Variants in AK5 observed in about 807,000 individuals in gnomAD.
AK5 encodes the protein adenylate kinase 5.
AK5 carries 27 observed loss-of-function variants against 69.5 expected under a neutral mutation model. The ratio of observed to expected loss-of-function variants is 0.39; its 90% CI spans 0.29 to 0.54. AK5 has a LOEUF of 0.54. AK5 is among the 20% of genes least tolerant of loss of function. AK5 has a pLI of 0.71. For missense variants in AK5, 531 were observed against 700.4 expected (o/e 0.76, Z 2.73); for synonymous variants, 260 against 244.4 (o/e 1.06, Z -0.60).
intron 6 of AK5, among the ~76,000 whole-genome samples, chr1:77,383,637 TA>T (rs1185914252): frequency 6.6e-6 from 1 of 152,196 alleles, no homozygotes; most frequent in Non-Finnish European, 1.5e-5. Flanking sequence ...AAAGCCAATA[TA>T]TTTCTTGTTT....
In AK5 at chr1:77,364,537, C is replaced by T. The variant is rs146800537; in HGVS notation, c.891+23969C>T. 1.3e-3 allele frequency among the ~76,000 whole-genome samples: 198 copies of T among 152,280 alleles called. 1 individual carries two copies. The highest frequency in any genetic ancestry group is 4.5e-3 in the African/African-American group (189 of 41,568). On this transcript the variant is annotated intron_variant, in intron 6 of 13. Transcript: ENST00000354567. ...TCTGTATCATCCCCTTCCCCCTACT[C>T]TTCCTGGCCTCTAGCATCCTTTGTT...
In AK5 at chr1:77,286,918, G is replaced by C. The variant is rs369882574; in HGVS notation, c.61-23G>C. 25 of 1,350,106 alleles carry C rather than the reference G, an allele frequency of 1.9e-5. No individual in the cohort carries two copies. The African/African-American group carries it at 3.0e-4, about 16-fold the overall frequency. The allele number at this position is 1,350,106 out of a possible 1,614,324, so 83.6% of individuals were successfully genotyped here. A position where few individuals can be genotyped will look rare whatever the true frequency, so the allele number is the denominator to read the frequency against. ...GGTGGGTTTAAAAGATATTTTATTTGTACATATTTTGTTATATTTCAGAGC... is the reference window on the plus strand; with the variant it reads ...GGTGGGTTTAAAAGATATTTTATTTCTACATATTTTGTTATATTTCAGAGC... On this transcript the variant is annotated intron_variant, in intron 1 of 13. Transcript: ENST00000354567.
At chr1:77,350,139 C>A (rs955765897) in intron 6 of AK5, among the ~76,000 whole-genome samples, 1 of 152,102 alleles carries the variant, frequency 6.6e-6, no homozygotes, top group Non-Finnish European at 1.5e-5. Flanking sequence ...GTGACGCAGG[C>A]ACAGAGATGA....
rs2246124 is a variant in AK5 at position 77,429,529 on chromosome 1, C to G, written c.1059+11814C>G. 7.4e-4 allele frequency among the ~76,000 whole-genome samples: 113 copies of G among 152,154 alleles called. 1 individual carries two copies. The highest frequency in any genetic ancestry group is 4.6e-3 in the Admixed American group (71 of 15,298). The stretch of plus-strand genomic sequence containing the variant: ...TTGGTGGGCAAAAGATGGCACAGTT[C>G]CTGCTATCATAGAGCTTATAGTAGA... On this transcript the variant is annotated intron_variant, in intron 8 of 13. Transcript: ENST00000354567.
intron 10 of AK5, among the ~76,000 whole-genome samples, chr1:77,507,240 T>C (rs1387080831): frequency 1.3e-5 from 2 of 152,182 alleles, no homozygotes; most frequent in Non-Finnish European, 2.9e-5. Context: ...GTGCAGTGCA[T>C]TTCCCAAAGG....
At chr1:77,282,822 G>C in intron 1 of AK5, 11 of 990,604 alleles carry the variant, frequency 1.1e-5, no homozygotes, top group Non-Finnish European at 1.3e-5. Flanking sequence ...GGGGGAAAGA[G>C]GAAATGTGGA....
intron 2 of AK5, among the ~76,000 whole-genome samples, chr1:77,289,952 TA>T (rs1442229496): frequency 6.6e-6 from 1 of 150,872 alleles, no homozygotes; most frequent in Non-Finnish European, 1.5e-5. Context: ...CTATATTGGG[TA>T]CACAAATTGT....
At chr1:77,470,366 A>G (rs747221845) in intron 8 of AK5, among the ~76,000 whole-genome samples, 7 of 152,104 alleles carry the variant, frequency 4.6e-5, no homozygotes, top group Non-Finnish European at 1.0e-4. Context: ...TTAGCCAGGC[A>G]TGGTGGTGTG....
intron 10 of AK5, among the ~76,000 whole-genome samples, chr1:77,489,527 A>C (rs1655841206): frequency 6.6e-6 from 1 of 152,360 alleles, no homozygotes; most frequent in Non-Finnish European, 1.5e-5. Context: ...AAAATATTCC[A>C]GATGTCATAG....
intron 8 of AK5, among the ~76,000 whole-genome samples, chr1:77,424,302 C>T (rs918839727): frequency 1.3e-5 from 2 of 152,076 alleles, no homozygotes; most frequent in Non-Finnish European, 1.5e-5. Flanking sequence ...GCTGTGTTGC[C>T]CAGGTTGAAG....
chr1:77,491,608 AATTG>A (rs1188332129), intron 10 of AK5, among the ~76,000 whole-genome samples: 1 of 152,146 alleles, frequency 6.6e-6, no homozygotes, highest in Non-Finnish European at 1.5e-5. Context: ...CTCAGCCATG[AATTG>A]ATTATTTAAA....
intron 6 of AK5, among the ~76,000 whole-genome samples, chr1:77,361,590 A>C (rs1646865794): frequency 6.6e-6 from 1 of 152,212 alleles, no homozygotes. Flanking sequence ...GTCCATTTTC[A>C]TGCTGCTGTT....
rs1387149237 is a variant in AK5, at chr1:77,322,891, G to T, written c.700-17486G>T. On this transcript the variant is annotated intron_variant, in intron 5 of 13. Coordinates refer to ENST00000354567, the MANE Select transcript of AK5 (RefSeq NM_174858.3). ...AAAGTGAATTTTTAATTTTCCAAAT[G>T]CCCTATTTTGTAAGAGAGAATGCAT... 2.6e-5 allele frequency among the ~76,000 whole-genome samples: 4 copies of T among 152,148 alleles called. No individual in the cohort carries two copies. The South Asian group carries it at 6.2e-4, about 24-fold the overall frequency.
chr1:77,440,938 G>A lies in AK5; in HGVS notation c.1059+23223G>A, dbSNP rs562082176. The stretch of plus-strand genomic sequence containing the variant: ...TAATTTTTGTATTTTTAGTAGAGAC[G>A]GGGTTTCGCCATGTTGGCCAGGCTG... On this transcript the variant is annotated intron_variant, in intron 8 of 13. Coordinates refer to ENST00000354567, the MANE Select transcript of AK5 (RefSeq NM_174858.3). 2.6e-5 allele frequency among the ~76,000 whole-genome samples: 4 copies of A among 152,118 alleles called. No homozygotes were observed. In the East Asian group the frequency reaches 5.8e-4, roughly 22 times the overall value.
chr1:77,340,646 A>C, intron 6 of AK5, 78 bp downstream of exon 6: 1 of 1,386,860 alleles, frequency 7.2e-7, no homozygotes, highest in Middle Eastern at 2.2e-4. Context: ...TCTCATGTAG[A>C]AATCCTCTTT....
At chr1:77,547,187 ATTAAT>A (rs1659581427) in intron 13 of AK5, among the ~76,000 whole-genome samples, 2 of 152,182 alleles carry the variant, frequency 1.3e-5, no homozygotes, top group African/African-American at 4.8e-5. Flanking sequence ...AACAGGTGAA[ATTAAT>A]TTAACAATAT....
chr1:77,365,469 TTCTGTAGGTCAGCAGTCCCCAACC>T (rs1292223126), intron 6 of AK5, among the ~76,000 whole-genome samples: 13 of 152,226 alleles, frequency 8.5e-5, no homozygotes, highest in Admixed American at 8.5e-4. Context: ...AACTCTGGTG[TTCTGTAGGTCAGCAGTCCCCAACC>T]TCTTTGGCAC....
intron 3 of AK5, among the ~76,000 whole-genome samples, chr1:77,295,540 T>G (rs1658948547): frequency 1.3e-5 from 2 of 152,210 alleles, no homozygotes; most frequent in South Asian, 4.1e-4. Context: ...ATTCTTTTTA[T>G]GCTTAAAACT....
intron 8 of AK5, among the ~76,000 whole-genome samples, chr1:77,448,105 T>A (rs1652867713): frequency 6.6e-6 from 1 of 152,156 alleles, no homozygotes; most frequent in South Asian, 2.1e-4. Context: ...GCCTGGGCAC[T>A]GTGGACAGCG....
Sources: allele counts gnomAD v4.1 joint callset (sites outside exome capture counted in the v4.1 genomes callset), GRCh38; gene constraint gnomAD v4.1.1; transcripts MANE v1.5; gene names NCBI Gene and HGNC (gene_info 2026-07-23, HGNC 2026-07-21).